The following CDC42BPA variants were observed in gnomAD, a reference collection of about 807,000 sequenced individuals.
The protein encoded by CDC42BPA is CDC42 binding protein kinase alpha.
Under a neutral mutation model 223.5 loss-of-function variants are expected in CDC42BPA, and 80 were observed. That is an observed-to-expected ratio of 0.36 (90% CI 0.30 to 0.43). CDC42BPA has a LOEUF of 0.43. Among genes scored for constraint, CDC42BPA ranks in the 20% least tolerant of loss-of-function variants. The pLI is 1.00. For synonymous variants in CDC42BPA, 694 were observed against 718.6 expected (o/e 0.97, Z 0.55); for missense variants, 1,743 against 2,099.9 (o/e 0.83, Z 3.32).
chr1:227,088,265 A>T (rs1266937341), intron 16 of CDC42BPA, among the ~76,000 whole-genome samples: 1 of 152,224 alleles, frequency 6.6e-6, no homozygotes, highest in African/African-American at 2.4e-5. Flanking sequence ...TAAATGAGTT[A>T]TATGAAGTAA....
chr1:227,224,210 T>G (rs1676439681), intron 2 of CDC42BPA, among the ~76,000 whole-genome samples: 2 of 151,824 alleles, frequency 1.3e-5, no homozygotes, highest in African/African-American at 4.8e-5. Flanking sequence ...AGCCATTCAC[T>G]GCTTTGCCCA....
At chr1:227,070,599 G>A (rs1440278670) in intron 20 of CDC42BPA, among the ~76,000 whole-genome samples, 1 of 151,782 alleles carries the variant, frequency 6.6e-6, no homozygotes, top group Non-Finnish European at 1.5e-5. Context: ...ATATAACACA[G>A]TTATCAGGTA....
intron 35 of CDC42BPA, 25 bp downstream of exon 35, chr1:227,004,969 A>AC: frequency 6.6e-7 from 1 of 1,520,688 alleles, no homozygotes; most frequent in Non-Finnish European, 9.1e-7. Flanking sequence ...TCTCAGAGGC[A>AC]CCTTCCTGTA....
chr1:227,060,030 GTTTTTTTTTT>G (rs66527313), intron 21 of CDC42BPA, among the ~76,000 whole-genome samples: 1 of 117,690 alleles, frequency 8.5e-6, no homozygotes, highest in African/African-American at 3.2e-5. Flanking sequence ...GTTTTTTTTT[GTTTTTTTTTT>G]TTTTTTTTGA....
At chr1:227,241,025 A>C (rs1679928314) in intron 2 of CDC42BPA, among the ~76,000 whole-genome samples, 1 of 152,080 alleles carries the variant, frequency 6.6e-6, no homozygotes, top group African/African-American at 2.4e-5. Flanking sequence ...CAAACATTTC[A>C]ATTTCTAAAG....
chr1:227,168,596 C>A (rs1248996404), intron 5 of CDC42BPA, among the ~76,000 whole-genome samples: 2 of 149,026 alleles, frequency 1.3e-5, no homozygotes, highest in African/African-American at 4.9e-5. Flanking sequence ...CCTGGGTTCA[C>A]GCCATTCTCC....
rs1281375454 is a variant in CDC42BPA at position 226,994,073 on chromosome 1, G to A, written c.*195C>T. ...TAATCTAAGCTGCTACGGAAAGTCT[G>A]TCTTTGTTGTTGCTGTTAGGCTGGG... On this transcript the variant is annotated 3_prime_UTR_variant, in exon 37 of 37. Transcript: ENST00000366766. The surrounding 1 kb of genome is among the most constrained non-coding windows in gnomAD (Gnocchi z 4.0). The A allele has an allele frequency of 1.8e-6, 1 of 545,568 alleles. No homozygotes were observed. Among genetic ancestry groups the A allele is most frequent in the Non-Finnish European group, 3.3e-6 (1 of 306,086 alleles). The allele number at this position is 545,568 out of a possible 1,614,324, so 33.8% of individuals were successfully genotyped here.
chr1:227,183,890 A>G (rs1332349872), intron 5 of CDC42BPA, among the ~76,000 whole-genome samples: 4 of 152,298 alleles, frequency 2.6e-5, no homozygotes, highest in African/African-American at 9.6e-5. Context: ...TAACTGTTCA[A>G]ACAGGTGGGT....
At chr1:227,309,880 T>G (rs1164741354) in intron 1 of CDC42BPA, among the ~76,000 whole-genome samples, 3 of 152,222 alleles carry the variant, frequency 2.0e-5, no homozygotes, top group Non-Finnish European at 2.9e-5. Context: ...TTTTCTTAGA[T>G]GTAATTTTAC....
chr1:227,164,328 A>C (rs1194114406), intron 5 of CDC42BPA, among the ~76,000 whole-genome samples: 1 of 152,180 alleles, frequency 6.6e-6, no homozygotes, highest in Non-Finnish European at 1.5e-5. Flanking sequence ...TTTTATGGGA[A>C]TCATGATTTT....
chr1:227,250,640 A>G (rs56308742), intron 2 of CDC42BPA, among the ~76,000 whole-genome samples: 22,476 of 150,860 alleles, frequency 0.15, 1,989 homozygotes, highest in African/African-American at 0.23. Context: ...GTGTGTGTGT[A>G]TGTGTGTGTG....
intron 35 of CDC42BPA, among the ~76,000 whole-genome samples, chr1:227,001,942 G>A (rs912021794): frequency 6.6e-6 from 1 of 151,404 alleles, no homozygotes; most frequent in Non-Finnish European, 1.5e-5. Context: ...AAACAAAAAC[G>A]CAAAACCAAA....
At position 227,084,247 on chromosome 1, in the gene CDC42BPA, G is replaced by A. The variant is rs1681340481; in HGVS notation, c.2356-3230C>T. 2.0e-5 allele frequency among the ~76,000 whole-genome samples: 3 copies of A among 152,146 alleles called. No homozygotes were observed. In the South Asian group the frequency reaches 6.2e-4, roughly 32 times the overall value. ...AGTTTTTAGAAAATTCATGAAAAAGGCTGGGTGTGGTGGCTCACGCCTGCA... is the reference window on the plus strand; with the variant it reads ...AGTTTTTAGAAAATTCATGAAAAAGACTGGGTGTGGTGGCTCACGCCTGCA... On this transcript the variant is annotated intron_variant, in intron 16 of 36. Transcript: ENST00000366766.
chr1:227,125,536 G>A (rs1223145025), intron 11 of CDC42BPA, among the ~76,000 whole-genome samples: 4 of 149,966 alleles, frequency 2.7e-5, no homozygotes, highest in Admixed American at 1.3e-4. Flanking sequence ...GATGGTAGTT[G>A]CAGTGAGCTG....
chr1:227,195,792 A>G (rs1417629582), intron 4 of CDC42BPA, among the ~76,000 whole-genome samples: 2 of 152,180 alleles, frequency 1.3e-5, no homozygotes, highest in South Asian at 2.1e-4. Flanking sequence ...ATATTACCCA[A>G]TGTAGCTAAG....
chr1:227,122,777 G>A (rs1688877160), intron 11 of CDC42BPA, among the ~76,000 whole-genome samples: 1 of 152,182 alleles, frequency 6.6e-6, no homozygotes, highest in Non-Finnish European at 1.5e-5. Context: ...AACACAGAAT[G>A]TTGCATTCCC....
At chr1:227,223,717 T>C (rs1274957987) in intron 2 of CDC42BPA, among the ~76,000 whole-genome samples, 2 of 152,252 alleles carry the variant, frequency 1.3e-5, no homozygotes, top group African/African-American at 4.8e-5. Flanking sequence ...CTACAGATGA[T>C]GTCCAACTTA....
chr1:227,124,377 G>C (rs1421445551), intron 11 of CDC42BPA, among the ~76,000 whole-genome samples: 1 of 151,988 alleles, frequency 6.6e-6, no homozygotes, highest in Admixed American at 6.6e-5. Flanking sequence ...CAGATTGAAG[G>C]TATTTTTTCT....
At chr1:227,226,139 C>T (rs1350025540) in intron 2 of CDC42BPA, among the ~76,000 whole-genome samples, 1 of 152,172 alleles carries the variant, frequency 6.6e-6, no homozygotes, top group Non-Finnish European at 1.5e-5. Context: ...TTGCAATTGG[C>T]CTGGATGCCC....
Sources: allele counts gnomAD v4.1 joint callset (sites outside exome capture counted in the v4.1 genomes callset), GRCh38; gene constraint gnomAD v4.1.1; non-coding constraint Gnocchi (gnomAD v3.1); transcripts MANE v1.5; gene names NCBI Gene and HGNC (gene_info 2026-07-23, HGNC 2026-07-21).